Variants in PLEKHH2 observed in about 807,000 individuals in gnomAD.
The protein encoded by PLEKHH2 is pleckstrin homology domain-containing family H member 2.
In PLEKHH2, 129 loss-of-function variants were observed where a neutral mutation model predicts 187.9. The observed-to-expected ratio is 0.69, with a 90% confidence interval of 0.59 to 0.79. The LOEUF (loss-of-function observed/expected upper bound fraction) is 0.79. PLEKHH2 is among the 30% of genes least tolerant of loss of function. The pLI, the probability that PLEKHH2 is intolerant of heterozygous loss-of-function variation, is 0.00. For missense variants in PLEKHH2, 2,076 were observed against 1,751.2 expected (o/e 1.19, Z -3.31); for synonymous variants, 686 against 605.6 (o/e 1.13, Z -1.95).
intron 10 of PLEKHH2, among the ~76,000 whole-genome samples, chr2:43,706,963 C>T (rs963883707): frequency 1.5e-4 from 23 of 151,970 alleles, no homozygotes; most frequent in Non-Finnish European, 3.1e-4. Flanking sequence ...TTTGGGAGGC[C>T]GAGGCGGGCG....
At chr2:43,723,675 T>C (rs1041837725) in intron 16 of PLEKHH2, among the ~76,000 whole-genome samples, 1 of 152,210 alleles carries the variant, frequency 6.6e-6, no homozygotes, top group African/African-American at 2.4e-5. Flanking sequence ...CACCTGCTGC[T>C]TTTAAAAATG....
intron 10 of PLEKHH2, 145 bp from the exon 11 acceptor site, chr2:43,707,256 C>A: frequency 3.1e-6 from 2 of 655,714 alleles, no homozygotes; most frequent in Non-Finnish European, 4.9e-6. Context: ...TTTCTGTTAT[C>A]TAAAAAGAGT....
At position 43,720,738 on chromosome 2, in the gene PLEKHH2, CAAG is replaced by C. The variant is rs778318608; in HGVS notation, c.2535_2537del (p.Glu845del). 9 of 1,609,246 alleles carry C rather than the reference CAAG, an allele frequency of 5.6e-6. No individual in the cohort carries two copies. In the African/African-American group the frequency reaches 1.1e-4, roughly 19 times the overall value. ...AAAGACATTATATTATTTTCGGAGTCAAGAAGATAAGGTATGTATGTATTTTTA... is the reference window on the plus strand; with the variant it reads ...AAAGACATTATATTATTTTCGGAGTCAAGATAAGGTATGTATGTATTTTTA... On this transcript the variant is annotated inframe_deletion, in exon 16 of 30. Transcript: ENST00000282406.
chr2:43,696,503 A>T (rs1375553272), intron 6 of PLEKHH2, among the ~76,000 whole-genome samples: 1 of 151,368 alleles, frequency 6.6e-6, no homozygotes, highest in Non-Finnish European at 1.5e-5. Context: ...AAAAAAAAAA[A>T]GTCCAAGAGA....
rs1574496979 is a variant in PLEKHH2 at position 43,665,721 on chromosome 2, G to T, written c.124-13142G>T. Reference sequence around the variant, plus strand: ...AGGACCCTCAGCTGCAGGTCTGTTGGAATACCCTGCCGTGTGAGGTGTCAG... The same window carrying T: ...AGGACCCTCAGCTGCAGGTCTGTTGTAATACCCTGCCGTGTGAGGTGTCAG... On this transcript the variant is annotated intron_variant, in intron 2 of 29. Transcript: ENST00000282406. Among the ~76,000 whole-genome samples the T allele has an allele frequency of 1.8e-5, 2 of 108,528 alleles. 1 individual carries two copies. Among genetic ancestry groups the T allele is most frequent in the Admixed American group, 1.9e-4 (2 of 10,738 alleles). 71.2% of individuals were successfully genotyped at this position (108,528 alleles called of 152,430 possible).
At chr2:43,725,832 C>T (rs531386791) in intron 16 of PLEKHH2, among the ~76,000 whole-genome samples, 2 of 152,212 alleles carry the variant, frequency 1.3e-5, no homozygotes, top group Admixed American at 6.5e-5. Context: ...GTATGTTATA[C>T]TGATGCGGTG....
At chr2:43,764,496 G>A in intron 29 of PLEKHH2, 131 bp downstream of exon 29, 1 of 901,740 alleles carries the variant, frequency 1.1e-6, no homozygotes, top group Non-Finnish European at 1.6e-6. Flanking sequence ...ATTCCAGATG[G>A]GAAAACAGAC....
intron 14 of PLEKHH2, chr2:43,711,395 A>C (rs1669958161): frequency 1.0e-6 from 1 of 984,340 alleles, no homozygotes; most frequent in Non-Finnish European, 1.2e-6. Flanking sequence ...GAAAATTTGC[A>C]GTGTGGCTAA....
chr2:43,682,404 T>G (rs753703822), intron 3 of PLEKHH2, among the ~76,000 whole-genome samples: 1 of 152,090 alleles, frequency 6.6e-6, no homozygotes. Flanking sequence ...CCTCCTGAGT[T>G]CAAGCGATTC....
intron 2 of PLEKHH2, among the ~76,000 whole-genome samples, chr2:43,647,765 G>A (rs553826151): frequency 1.1e-4 from 16 of 152,154 alleles, no homozygotes; most frequent in Admixed American, 9.8e-4. Context: ...CCCCCTAAAT[G>A]GATGCAGGCC....
Position 43,766,242 on chromosome 2 carries a change from G to A in PLEKHH2, c.*644G>A, listed in dbSNP as rs1672617310. 1.3e-5 allele frequency: 2 copies of A among 152,864 alleles called. No individual in the cohort carries two copies. Among genetic ancestry groups the A allele is most frequent in the Non-Finnish European group, 2.9e-5 (2 of 68,036 alleles). The allele number at this position is 152,864 out of a possible 1,614,324, so 9.5% of individuals were successfully genotyped here. A position where few individuals can be genotyped will look rare whatever the true frequency, so the allele number is the denominator to read the frequency against. ...ATACCGTCACCTTTTCACATCACTG[G>A]AGTGTAAAATTTAAAACAAGATGGT... On this transcript the variant is annotated 3_prime_UTR_variant, in exon 30 of 30. Coordinates refer to ENST00000282406, the MANE Select transcript of PLEKHH2 (RefSeq NM_172069.4).
At chr2:43,765,352 T>C in intron 29 of PLEKHH2, 61 bp from the exon 30 acceptor site, 1 of 1,529,728 alleles carries the variant, frequency 6.5e-7, no homozygotes, top group Non-Finnish European at 8.9e-7. Context: ...AACACTTTAC[T>C]CTCTTCTGGA....
chr2:43,706,549 C>A, intron 10 of PLEKHH2, 133 bp downstream of exon 10: 1 of 663,612 alleles, frequency 1.5e-6, no homozygotes, highest in South Asian at 2.0e-5. Flanking sequence ...TTTACAAGTT[C>A]ACGTTAACAT....
chr2:43,696,382 G>A (rs1202615369), intron 6 of PLEKHH2, among the ~76,000 whole-genome samples: 1 of 151,910 alleles, frequency 6.6e-6, no homozygotes, highest in Non-Finnish European at 1.5e-5. Flanking sequence ...GGGCTGGTTA[G>A]GGAGGTGAGG....
intron 25 of PLEKHH2, 129 bp downstream of exon 25, chr2:43,753,889 A>C (rs1269375973): frequency 2.7e-6 from 2 of 740,640 alleles, no homozygotes; most frequent in Non-Finnish European, 4.0e-6. Context: ...CACCTTAAAA[A>C]TTACAGGCAC....
chr2:43,640,950 ATTTTTT>A (rs58200065), intron 1 of PLEKHH2, among the ~76,000 whole-genome samples: 1 of 115,744 alleles, frequency 8.6e-6, no homozygotes, highest in African/African-American at 3.4e-5. Flanking sequence ...TGCCTGGCTA[ATTTTTT>A]TTTTTTTTTT....
At chr2:43,742,989 T>C in intron 22 of PLEKHH2, 71 bp downstream of exon 22, 2 of 1,221,454 alleles carry the variant, frequency 1.6e-6, no homozygotes, top group Non-Finnish European at 2.2e-6. Context: ...GAACAGAGAC[T>C]TCTCTGCTTA....
chr2:43,765,342 A>G, intron 29 of PLEKHH2, 71 bp from the exon 30 acceptor site: 1 of 1,486,602 alleles, frequency 6.7e-7, no homozygotes, highest in Non-Finnish European at 9.2e-7. Context: ...ACCTGTGGCC[A>G]ACACTTTACT....
rs145086047 is a variant in PLEKHH2, at chr2:43,718,864, A to T, written c.2461-1805A>T. Among the ~76,000 whole-genome samples the T allele has an allele frequency of 2.4e-3, 368 of 152,320 alleles. 1 individual carries two copies. Among genetic ancestry groups the T allele is most frequent in the African/African-American group, 8.4e-3 (349 of 41,576 alleles). On this transcript the variant is annotated intron_variant, in intron 15 of 29. Transcript: ENST00000282406. ...AATTGAAACATGTCTCAAATGAGAC[A>T]TTTTTTGTTTTCTCTCAAACAGCAT...
Sources: gnomAD v4.1 joint callset for allele counts (sites outside exome capture counted in the v4.1 genomes callset) on GRCh38, gnomAD v4.1.1 for gene constraint, MANE v1.5 for transcripts, NCBI Gene and HGNC (gene_info 2026-07-23, HGNC 2026-07-21) for gene names.